The following TIAM2 variants were observed in gnomAD, a reference collection of about 807,000 sequenced individuals.
TIAM2 encodes TIAM Rac1 associated GEF 2, also known as rho guanine nucleotide exchange factor TIAM2.
Under a neutral mutation model 152.9 loss-of-function variants are expected in TIAM2, and 80 were observed. The ratio of observed to expected loss-of-function variants is 0.52; its 90% CI spans 0.44 to 0.63. TIAM2 has a LOEUF of 0.63. Ranked by LOEUF, TIAM2 falls within the 30% of genes least tolerant of loss-of-function variation. The pLI, the probability that TIAM2 is intolerant of heterozygous loss-of-function variation, is 0.00. For missense variants in TIAM2, 1,965 were observed against 2,120.1 expected (o/e 0.93, Z 1.44); for synonymous variants, 804 against 838.0 (o/e 0.96, Z 0.70).
At chr6:155,131,229 G>A (rs998673229) in intron 4 of TIAM2, among the ~76,000 whole-genome samples, 1 of 152,050 alleles carries the variant, frequency 6.6e-6, no homozygotes, top group African/African-American at 2.4e-5. Context: ...GCGTGGTGGC[G>A]GGTGCCTGTA....
At chr6:155,100,223 G>A (rs1277054509) in intron 2 of TIAM2, among the ~76,000 whole-genome samples, 1 of 152,224 alleles carries the variant, frequency 6.6e-6, no homozygotes, top group African/African-American at 2.4e-5. Context: ...GTGAGACCTT[G>A]ACTCACAGTA....
intron 7 of TIAM2, among the ~76,000 whole-genome samples, chr6:155,160,457 C>T (rs1409947815): frequency 6.6e-6 from 1 of 152,170 alleles, no homozygotes; most frequent in African/African-American, 2.4e-5. Flanking sequence ...TCCTTGGAGA[C>T]ACACCCAGAA....
At chr6:155,228,932 C>T (rs1342534878) in intron 15 of TIAM2, among the ~76,000 whole-genome samples, 1 of 152,192 alleles carries the variant, frequency 6.6e-6, no homozygotes, top group African/African-American at 2.4e-5. Context: ...GCATGCAGCT[C>T]TGACCTGCCT....
intron 1 of TIAM2, among the ~76,000 whole-genome samples, chr6:155,024,652 T>A (rs1220511477): frequency 4.1e-5 from 6 of 146,932 alleles, no homozygotes; most frequent in African/African-American, 5.0e-5. Flanking sequence ...TCCATGTCTT[T>A]AAAAAAAAAA....
At chr6:155,078,449 A>AAGTC (rs1321175607) in intron 1 of TIAM2, among the ~76,000 whole-genome samples, 1 of 152,168 alleles carries the variant, frequency 6.6e-6, no homozygotes, top group African/African-American at 2.4e-5. Context: ...CACGTCACGC[A>AAGTC]TGGGACCATC....
intron 1 of TIAM2, among the ~76,000 whole-genome samples, chr6:155,086,768 T>C (rs1778180484): frequency 6.7e-6 from 1 of 150,172 alleles, no homozygotes; most frequent in African/African-American, 2.4e-5. Context: ...AAGCTGCAGC[T>C]TCCTCTTTAA....
intron 6 of TIAM2, among the ~76,000 whole-genome samples, chr6:155,146,134 T>G (rs1452986447): frequency 6.6e-6 from 1 of 152,124 alleles, no homozygotes; most frequent in Non-Finnish European, 1.5e-5. Flanking sequence ...TCCCAGCACT[T>G]TGGAGGCTGA....
At chr6:155,254,733 G>A (rs3011894) in intron 26 of TIAM2, 160 bp downstream of exon 26, 312,985 of 864,818 alleles carry the variant, frequency 0.36, 61,985 homozygotes, top group Middle Eastern at 0.48. Flanking sequence ...GCTCCCAGAC[G>A]TTCTACTGTA....
chr6:155,088,052 C>CTTTTTT (rs113372173), intron 1 of TIAM2, among the ~76,000 whole-genome samples: 7 of 118,994 alleles, frequency 5.9e-5, no homozygotes, highest in African/African-American at 9.8e-5. Flanking sequence ...TTCTTTCTTT[C>CTTTTTT]TTTTTTTTTT....
Position 155,257,484 on chromosome 6 carries a change from C to CTT in TIAM2, c.*365_*366dup. 1 of 334,032 alleles carries CTT rather than the reference C, an allele frequency of 3.0e-6. No homozygotes were observed. The highest frequency in any genetic ancestry group is 7.2e-5 in the East Asian group (1 of 13,852). The allele number at this position is 334,032 out of a possible 1,614,324, so 20.7% of individuals were successfully genotyped here. A position where few individuals can be genotyped will look rare whatever the true frequency, so the allele number is the denominator to read the frequency against. On this transcript the variant is annotated 3_prime_UTR_variant, in exon 27 of 27. Transcript: ENST00000682666. ...TTTTTTAAAATCCTCTGGGCATTTT[C>CTT]TTTCAGCTGTTTGTTAGTTTTTGCT...
intron 7 of TIAM2, among the ~76,000 whole-genome samples, chr6:155,152,621 G>A (rs1400641512): frequency 6.6e-6 from 1 of 152,200 alleles, no homozygotes; most frequent in African/African-American, 2.4e-5. Context: ...CCTGAGATGA[G>A]ACTTGTGGAT....
intron 15 of TIAM2, among the ~76,000 whole-genome samples, chr6:155,236,292 G>T (rs773459360): frequency 2.6e-5 from 4 of 151,756 alleles, no homozygotes; most frequent in Non-Finnish European, 5.9e-5. Flanking sequence ...CAAGCAGAAC[G>T]CGAGCTGTAT....
intron 2 of TIAM2, among the ~76,000 whole-genome samples, chr6:155,094,546 C>CTTT (rs10694318): frequency 0.019 from 1,510 of 79,776 alleles, 37 homozygotes; most frequent in Middle Eastern, 0.034. Context: ...TTCACTCAGA[C>CTTT]TTTTTTTTTT....
chr6:155,045,050 C>CTTTTTTTTTTT (rs200620585), intron 1 of TIAM2, among the ~76,000 whole-genome samples: 12 of 132,032 alleles, frequency 9.1e-5, no homozygotes, highest in Admixed American at 2.3e-4. Flanking sequence ...TTTTCTTTTT[C>CTTTTTTTTTTT]TTTTTTTTTT....
chr6:155,027,858 T>A lies in TIAM2; in HGVS notation c.-209+32366T>A, dbSNP rs905421144. Reference sequence around the variant, plus strand: ...TATACTATATATAATATATGTACTGTGTTATATACTATATAATATATGTAC... The same window carrying A: ...TATACTATATATAATATATGTACTGAGTTATATACTATATAATATATGTAC... On this transcript the variant is annotated intron_variant, in intron 1 of 26. Transcript: ENST00000682666. 6.8e-5 allele frequency among the ~76,000 whole-genome samples: 7 copies of A among 102,292 alleles called. 1 individual carries two copies. Among genetic ancestry groups the A allele is most frequent in the Non-Finnish European group, 1.1e-4 (6 of 54,562 alleles). The allele number at this position is 102,292 out of a possible 152,430, so 67.1% of individuals were successfully genotyped here. A position where few individuals can be genotyped will look rare whatever the true frequency, so the allele number is the denominator to read the frequency against.
chr6:155,221,129 A>G (rs1427310560), intron 15 of TIAM2, among the ~76,000 whole-genome samples: 1 of 123,606 alleles, frequency 8.1e-6, no homozygotes, highest in Non-Finnish European at 1.9e-5. Context: ...TTTTTTTGAA[A>G]AAAAAAAAAA....
At chr6:155,133,997 G>A (rs1237006053) in intron 4 of TIAM2, among the ~76,000 whole-genome samples, 1 of 152,156 alleles carries the variant, frequency 6.6e-6, no homozygotes, top group Admixed American at 6.5e-5. Context: ...GATAACAGGC[G>A]TGAGCCACCT....
At chr6:155,019,961 G>A (rs1024783555) in intron 1 of TIAM2, among the ~76,000 whole-genome samples, 9 of 152,158 alleles carry the variant, frequency 5.9e-5, no homozygotes, top group Non-Finnish European at 1.3e-4. Context: ...GCTGAGGCAG[G>A]AGAATCACAT....
At chr6:155,052,348 T>A (rs566275508) in intron 1 of TIAM2, among the ~76,000 whole-genome samples, 73 of 152,348 alleles carry the variant, frequency 4.8e-4, no homozygotes, top group African/African-American at 1.7e-3. Flanking sequence ...TAATATTTCA[T>A]ATTAACATAC....
Sources: allele counts gnomAD v4.1 joint callset (sites outside exome capture counted in the v4.1 genomes callset), GRCh38; gene constraint gnomAD v4.1.1; transcripts MANE v1.5; gene names NCBI Gene and HGNC (gene_info 2026-07-23, HGNC 2026-07-21).